The following CPNE4 variants were observed in gnomAD, a reference collection of about 807,000 sequenced individuals.
CPNE4 encodes copine-4.
In CPNE4, 25 loss-of-function variants were observed where a neutral mutation model predicts 67.9. The ratio of observed to expected loss-of-function variants is 0.37; its 90% CI spans 0.27 to 0.51. The LOEUF (loss-of-function observed/expected upper bound fraction) is 0.51, where lower values mean the gene tolerates loss of function less well. Among genes scored for constraint, CPNE4 ranks in the 20% least tolerant of loss-of-function variants. The pLI, the probability that CPNE4 is intolerant of heterozygous loss-of-function variation, is 0.93. For missense variants in CPNE4, 464 were observed against 690.8 expected, an observed-to-expected ratio of 0.67 and a Z score of 3.68; for synonymous variants, 242 against 244.9, an observed-to-expected ratio of 0.99 and a Z score of 0.11.
At chr3:131,622,785 AG>A (rs1157045178) in intron 7 of CPNE4, among the ~76,000 whole-genome samples, 1 of 152,206 alleles carries the variant, frequency 6.6e-6, no homozygotes, top group Non-Finnish European at 1.5e-5. Context: ...TCCTCTGCAC[AG>A]TGGCAAGAGG....
At chr3:131,982,211 T>C (rs1169267482) in intron 1 of CPNE4, among the ~76,000 whole-genome samples, 1 of 152,238 alleles carries the variant, frequency 6.6e-6, no homozygotes, top group Non-Finnish European at 1.5e-5. Flanking sequence ...ATAAATTGTC[T>C]TACTACTAAA....
At chr3:131,808,467 T>A (rs1351659430) in intron 2 of CPNE4, among the ~76,000 whole-genome samples, 2 of 151,996 alleles carry the variant, frequency 1.3e-5, no homozygotes, top group African/African-American at 2.4e-5. Context: ...TGATAAGGTG[T>A]CAGTGAACTC....
At chr3:131,630,416 C>T (rs1032830199) in intron 7 of CPNE4, among the ~76,000 whole-genome samples, 2 of 152,212 alleles carry the variant, frequency 1.3e-5, no homozygotes, top group African/African-American at 4.8e-5. Flanking sequence ...TCTGAACTCA[C>T]TACTGGTGCA....
intron 2 of CPNE4, among the ~76,000 whole-genome samples, chr3:131,860,654 T>C (rs1278253724): frequency 1.3e-5 from 2 of 150,534 alleles, no homozygotes; most frequent in East Asian, 2.0e-4. Flanking sequence ...TTGGATTACA[T>C]GATTAAATTA....
At chr3:131,714,819 G>A (rs1317633488) in intron 3 of CPNE4, among the ~76,000 whole-genome samples, 1 of 152,116 alleles carries the variant, frequency 6.6e-6, no homozygotes, top group African/African-American at 2.4e-5. Flanking sequence ...GAGAGAAGAT[G>A]GTATATAATC....
intron 6 of CPNE4, among the ~76,000 whole-genome samples, chr3:131,677,985 T>G (rs1267753125): frequency 1.3e-5 from 2 of 152,192 alleles, no homozygotes; most frequent in Non-Finnish European, 1.5e-5. Context: ...AGTGGTAGAT[T>G]AATAGGAATA....
At chr3:131,848,685 T>C (rs1475432658) in intron 2 of CPNE4, among the ~76,000 whole-genome samples, 1 of 145,318 alleles carries the variant, frequency 6.9e-6, no homozygotes, top group African/African-American at 2.5e-5. Context: ...AAAAAAAACC[T>C]GCAGATTTGC....
At chr3:131,895,562 ATTTT>A (rs148901938) in intron 2 of CPNE4, among the ~76,000 whole-genome samples, 1 of 87,700 alleles carries the variant, frequency 1.1e-5, no homozygotes, top group South Asian at 3.1e-4. Context: ...AGTTAATTTT[ATTTT>A]TTTTGTTTTT....
intron 2 of CPNE4, among the ~76,000 whole-genome samples, chr3:131,739,706 A>G (rs2107776451): frequency 6.6e-6 from 1 of 152,382 alleles, no homozygotes; most frequent in Admixed American, 6.5e-5. Flanking sequence ...AACATCTACT[A>G]CATGCTATTG....
At chr3:131,567,936 G>A (rs1937139315) in intron 10 of CPNE4, among the ~76,000 whole-genome samples, 2 of 151,914 alleles carry the variant, frequency 1.3e-5, no homozygotes, top group Non-Finnish European at 2.9e-5. Flanking sequence ...TTTCTTTTCA[G>A]TCAGGCCTCT....
chr3:131,714,143 C>A (rs2081624691), intron 3 of CPNE4, among the ~76,000 whole-genome samples: 1 of 152,096 alleles, frequency 6.6e-6, no homozygotes, highest in Non-Finnish European at 1.5e-5. Flanking sequence ...CAACAAAATG[C>A]TAACCTGTGG....
chr3:131,720,811 A>G (rs928233461), intron 3 of CPNE4, among the ~76,000 whole-genome samples: 1 of 151,944 alleles, frequency 6.6e-6, no homozygotes, highest in South Asian at 2.1e-4. Context: ...CGTTTCCTTC[A>G]CCTCCTTTGA....
At chr3:131,733,418 G>T (rs1184378772) in intron 2 of CPNE4, among the ~76,000 whole-genome samples, 1 of 152,126 alleles carries the variant, frequency 6.6e-6, no homozygotes, top group East Asian at 1.9e-4. Context: ...CTTGGCTAAA[G>T]CCCCCCTAGA....
At chr3:132,012,173 G>GTT (rs10663165) in intron 1 of CPNE4, among the ~76,000 whole-genome samples, 19,126 of 136,040 alleles carry the variant, frequency 0.14, 1,609 homozygotes, top group African/African-American at 0.19. Flanking sequence ...TTGCTTTTTC[G>GTT]TTTTTTTTTT....
At chr3:132,028,491 G>A (rs1167560165) in intron 1 of CPNE4, among the ~76,000 whole-genome samples, 1 of 152,140 alleles carries the variant, frequency 6.6e-6, no homozygotes, top group African/African-American at 2.4e-5. Flanking sequence ...AGATGAATGA[G>A]ACCCTTCTGC....
intron 10 of CPNE4, among the ~76,000 whole-genome samples, chr3:131,572,265 T>A (rs1330682509): frequency 6.6e-6 from 1 of 151,956 alleles, no homozygotes; most frequent in East Asian, 1.9e-4. Context: ...GGAAGTTTAA[T>A]AAAGGGACAA....
chr3:131,614,516 T>C (rs1057197322), intron 7 of CPNE4, among the ~76,000 whole-genome samples: 2 of 152,166 alleles, frequency 1.3e-5, no homozygotes, highest in African/African-American at 4.8e-5. Flanking sequence ...AAAAAGTAGG[T>C]GTTTAATAAA....
Position 131,811,530 on chromosome 3 carries a change from G to A in CPNE4, c.181-87905C>T, listed in dbSNP as rs146920767. On this transcript the variant is annotated intron_variant, in intron 2 of 15. Coordinates refer to ENST00000429747, the MANE Select transcript of CPNE4 (RefSeq NM_130808.3). Reference sequence around the variant, plus strand: ...GAAAAGTCACCTAGTACGAACTGAAGCCTCTACTATGTATTCAAAGTACCT... The same window carrying A: ...GAAAAGTCACCTAGTACGAACTGAAACCTCTACTATGTATTCAAAGTACCT... Among the ~76,000 whole-genome samples the A allele has an allele frequency of 2.5e-3, 386 of 152,168 alleles. 2 individuals are homozygous for A. Among genetic ancestry groups the A allele is most frequent in the African/African-American group, 8.5e-3 (353 of 41,526 alleles).
chr3:131,885,623 G>T (rs1055423464), intron 2 of CPNE4, among the ~76,000 whole-genome samples: 9 of 151,698 alleles, frequency 5.9e-5, no homozygotes, highest in Non-Finnish European at 1.0e-4. Context: ...CATTTGCCAT[G>T]CTGGTGTGCT....
Sources: gnomAD v4.1 joint callset for allele counts (sites outside exome capture counted in the v4.1 genomes callset) on GRCh38, gnomAD v4.1.1 for gene constraint, MANE v1.5 for transcripts, NCBI Gene and HGNC (gene_info 2026-07-23, HGNC 2026-07-21) for gene names.